Variants in UBA6 observed in about 807,000 individuals in gnomAD.
UBA6 encodes the protein ubiquitin like modifier activating enzyme 6.
Under a neutral mutation model 148.3 loss-of-function variants are expected in UBA6, and 87 were observed. That is an observed-to-expected ratio of 0.59 (90% confidence interval 0.49 to 0.70). The LOEUF (loss-of-function observed/expected upper bound fraction) is 0.70, where lower values mean the gene tolerates loss of function less well. UBA6 is among the 30% of genes least tolerant of loss of function. The pLI is 0.00. For synonymous variants in UBA6, 376 were observed against 401.0 expected (o/e 0.94, Z 0.75); for missense variants, 1,186 against 1,241.2 (o/e 0.96, Z 0.67).
At chr4:67,680,951 G>C (rs900017348) in intron 4 of UBA6, among the ~76,000 whole-genome samples, 2 of 152,082 alleles carry the variant, frequency 1.3e-5, no homozygotes, top group African/African-American at 4.8e-5. Flanking sequence ...AACCACATGA[G>C]CCAGCTTGGG....
Position 67,639,115 on chromosome 4 carries a change from T to G in UBA6, c.1564A>C (p.Ser522Arg). ...AGAGTAGCATCAGCAGCAGTGTAGCTTTTAGGTTTCTAAACAAATAATATA... is the reference window on the plus strand; with the variant it reads ...AGAGTAGCATCAGCAGCAGTGTAGCGTTTAGGTTTCTAAACAAATAATATA... ...FRPHHIQKPK[S>R]YTAADATLKI... Residue 522 changes from serine to arginine, a missense_variant, in exon 19 of 33, where the codon AGC (serine) becomes CGC (arginine). Transcript: ENST00000322244. The G allele has an allele frequency of 6.2e-7, 1 of 1,609,610 alleles. No homozygotes were observed. Among genetic ancestry groups the G allele is most frequent in the Non-Finnish European group, 8.5e-7 (1 of 1,178,798 alleles).
At position 67,687,343 on chromosome 4, in the gene UBA6, C is replaced by T. The variant is rs117209603; in HGVS notation, c.135-5130G>A. ...GCCACTGCACCCGACCAATATTATC[C>T]TTAAGATATAAAATATTATTATTCC... On this transcript the variant is annotated intron_variant, in intron 2 of 32. Transcript: ENST00000322244. Among the ~76,000 whole-genome samples, 11 of 152,104 alleles carry T rather than the reference C, an allele frequency of 7.2e-5. No homozygotes were observed. In the East Asian group the frequency reaches 1.9e-3, roughly 27 times the overall value.
chr4:67,612,656 G>C lies in UBA6; in HGVS notation c.*6341C>G, dbSNP rs1041979625. On this transcript the variant is annotated 3_prime_UTR_variant, in exon 33 of 33. Coordinates refer to ENST00000322244, the MANE Select transcript of UBA6 (RefSeq NM_018227.6). ...TTTAAAAAAATGTGCAAATAGTTTA[G>C]AGAATCACTACAGAGTTTATTGTTT... The C allele has an allele frequency of 1.3e-5, 2 of 152,154 alleles. No homozygotes were observed. Among genetic ancestry groups the C allele is most frequent in the South Asian group, 4.1e-4 (2 of 4,820 alleles). 9.4% of individuals were successfully genotyped at this position (152,154 alleles called of 1,614,324 possible). A position where few individuals can be genotyped will look rare whatever the true frequency, so the allele number is the denominator to read the frequency against.
chr4:67,677,310 C>A (rs922074650), intron 6 of UBA6, among the ~76,000 whole-genome samples: 1 of 152,172 alleles, frequency 6.6e-6, no homozygotes, highest in Non-Finnish European at 1.5e-5. Flanking sequence ...GAAACCCCAA[C>A]TGACATATTC....
intron 1 of UBA6, among the ~76,000 whole-genome samples, chr4:67,697,106 GA>G (rs1269070854): frequency 1.3e-5 from 2 of 152,234 alleles, no homozygotes; most frequent in East Asian, 3.9e-4. Flanking sequence ...CCTGGTTTCA[GA>G]CGATTTTCAT....
chr4:67,626,374 T>C lies in UBA6; in HGVS notation c.2504A>G (p.Asn835Ser). 6.2e-7 allele frequency: 1 copy of C among 1,607,312 alleles called. No individual in the cohort carries two copies. ...TTTTCCCTTACTTTTGGTGGCTTCA[T>C]TAGATAAAATAGCCTTTTCTAGTTG... ...IFQLEKAILS[N>S]EATKSDLQMA... is the part of the protein sequence containing the mutation. The change falls in exon 28 of 33, where the codon AAT becomes AGT. Residue 835 changes from asparagine to serine, a missense_variant. Transcript: ENST00000322244.
intron 30 of UBA6, 140 bp from the exon 31 acceptor site, chr4:67,623,362 T>C: frequency 1.6e-6 from 1 of 616,248 alleles, no homozygotes; most frequent in South Asian, 2.1e-5. Flanking sequence ...TAAAGGATAA[T>C]ATATCTTCTA....
Position 67,670,455 on chromosome 4 carries a change from T to C in UBA6, c.669+15A>G, listed in dbSNP as rs1326581521. 1.9e-6 allele frequency: 3 copies of C among 1,552,292 alleles called. No homozygotes were observed. The highest frequency in any genetic ancestry group is 1.8e-6 in the Non-Finnish European group (2 of 1,133,178). ...TAACAAAATTTATTTTAAAAGTTCA[T>C]TAATATAATCATACTTGCGTTATGT... On this transcript the variant is annotated intron_variant, in intron 8 of 32. Coordinates refer to ENST00000322244, the MANE Select transcript of UBA6 (RefSeq NM_018227.6).
rs377405414 is a variant in UBA6 at position 67,646,028 on chromosome 4, A to G, written c.1317-12T>C. 1.1e-4 allele frequency: 156 copies of G among 1,483,646 alleles called. No homozygotes were observed. The highest frequency in any genetic ancestry group is 2.8e-4 in the Admixed American group (14 of 50,866). The allele number at this position is 1,483,646 out of a possible 1,614,324, so 91.9% of individuals were successfully genotyped here. On this transcript the variant is annotated splice_polypyrimidine_tract_variant and intron_variant, in intron 15 of 32. Transcript: ENST00000322244. ...CATATCTATCTCCTCTGAAAAAAAT[A>G]ACATATACCAAAAAGCAGAAATAAA...
intron 19 of UBA6, among the ~76,000 whole-genome samples, chr4:67,637,422 C>T (rs1325298622): frequency 6.6e-6 from 1 of 151,634 alleles, no homozygotes; most frequent in African/African-American, 2.4e-5. Flanking sequence ...GCTGCCACCC[C>T]GTCTGGGAGG....
At chr4:67,681,406 A>G (rs545195757) in intron 4 of UBA6, among the ~76,000 whole-genome samples, 157 bp downstream of exon 4, 1 of 151,728 alleles carries the variant, frequency 6.6e-6, no homozygotes, top group South Asian at 2.1e-4. Context: ...TTGTTACACA[A>G]TTCTTTCTTT....
At chr4:67,649,756 C>T (rs1477596447) in intron 13 of UBA6, among the ~76,000 whole-genome samples, 2 of 152,020 alleles carry the variant, frequency 1.3e-5, no homozygotes, top group Non-Finnish European at 2.9e-5. Context: ...CAAAACAGAA[C>T]ATTTTAAAGG....
At chr4:67,623,633 A>G (rs1215986660) in intron 30 of UBA6, among the ~76,000 whole-genome samples, 2 of 152,196 alleles carry the variant, frequency 1.3e-5, no homozygotes, top group Non-Finnish European at 2.9e-5. Context: ...GTGCAAATGT[A>G]TCTGAAATAT....
intron 13 of UBA6, among the ~76,000 whole-genome samples, chr4:67,651,395 A>T (rs1729550978): frequency 6.6e-6 from 1 of 152,188 alleles, no homozygotes; most frequent in Non-Finnish European, 1.5e-5. Flanking sequence ...CTGAATAATC[A>T]ACTCTGAGAT....
intron 2 of UBA6, among the ~76,000 whole-genome samples, chr4:67,693,368 T>C (rs1362535445): frequency 6.6e-6 from 1 of 151,832 alleles, no homozygotes; most frequent in African/African-American, 2.4e-5. Flanking sequence ...ACATATAATA[T>C]TAAAAATGTG....
intron 14 of UBA6, among the ~76,000 whole-genome samples, chr4:67,648,385 G>A (rs1040741074): frequency 2.0e-5 from 3 of 149,792 alleles, no homozygotes; most frequent in Non-Finnish European, 4.4e-5. Flanking sequence ...GGAGAATCGC[G>A]TGAACCCGGC....
intron 32 of UBA6, among the ~76,000 whole-genome samples, chr4:67,619,734 G>A (rs1256647299): frequency 6.6e-6 from 1 of 152,178 alleles, no homozygotes; most frequent in African/African-American, 2.4e-5. Flanking sequence ...ACCTTAAAAT[G>A]TAAGCTAGAA....
At chr4:67,697,958 G>A (rs539811317) in intron 1 of UBA6, among the ~76,000 whole-genome samples, 2 of 152,250 alleles carry the variant, frequency 1.3e-5, no homozygotes, top group South Asian at 4.2e-4. Flanking sequence ...ATGCTTGAGA[G>A]GGCCAATGTG....
intron 9 of UBA6, among the ~76,000 whole-genome samples, chr4:67,667,547 A>C (rs562920431): frequency 7.0e-6 from 1 of 142,080 alleles, no homozygotes; most frequent in Non-Finnish European, 1.6e-5. Context: ...AATTCCATTT[A>C]CTGTCTATAA....
Sources: gnomAD v4.1 joint callset for allele counts (sites outside exome capture counted in the v4.1 genomes callset) on GRCh38, gnomAD v4.1.1 for gene constraint, MANE v1.5 for transcripts, NCBI Gene and HGNC (gene_info 2026-07-23, HGNC 2026-07-21) for gene names.